The following XPR1 variants were observed in gnomAD, a reference collection of about 807,000 sequenced individuals.
The protein encoded by XPR1 is solute carrier family 53 member 1.
XPR1 carries 28 observed loss-of-function variants against 87.5 expected under a neutral mutation model. The ratio of observed to expected loss-of-function variants is 0.32; its 90% CI spans 0.24 to 0.44. XPR1 has a LOEUF of 0.44. XPR1 is among the 20% of genes least tolerant of loss of function. The pLI is 1.00. For synonymous variants in XPR1, 300 were observed against 306.1 expected (o/e 0.98, Z 0.21); for missense variants, 559 against 862.3 (o/e 0.65, Z 4.41).
chr1:180,693,567 A>AG (rs1557960287), intron 2 of XPR1, among the ~76,000 whole-genome samples: 1 of 152,200 alleles, frequency 6.6e-6, no homozygotes, highest in African/African-American at 2.4e-5. Context: ...AAAATGACAG[A>AG]CATTTATTCT....
intron 7 of XPR1, 73 bp downstream of exon 7, chr1:180,811,561 A>C: frequency 8.3e-7 from 1 of 1,203,486 alleles, no homozygotes. Context: ...CTCTGTAAGG[A>C]ATTATGCATG....
intron 11 of XPR1, among the ~76,000 whole-genome samples, chr1:180,849,805 T>A (rs1299484853): frequency 2.0e-5 from 3 of 152,182 alleles, no homozygotes; most frequent in African/African-American, 7.2e-5. Context: ...TGTGTAAGTT[T>A]TCATAGAGAG....
intron 2 of XPR1, among the ~76,000 whole-genome samples, chr1:180,770,539 G>A (rs1399204756): frequency 6.6e-6 from 1 of 152,128 alleles, no homozygotes; most frequent in Non-Finnish European, 1.5e-5. Flanking sequence ...ATGAAGGGAG[G>A]CTGGGGAGAC....
At chr1:180,703,434 T>TC (rs2101973041) in intron 2 of XPR1, among the ~76,000 whole-genome samples, 1 of 152,216 alleles carries the variant, frequency 6.6e-6, no homozygotes, top group East Asian at 1.9e-4. Context: ...GGTGGGTATT[T>TC]CCCAGTTCCT....
At chr1:180,866,202 A>T (rs566652990) in intron 12 of XPR1, among the ~76,000 whole-genome samples, 2 of 151,648 alleles carry the variant, frequency 1.3e-5, no homozygotes, top group South Asian at 4.2e-4. Context: ...ATGGAGCAAG[A>T]CCCTGTCTTA....
At chr1:180,790,874 G>A (rs1346955078) in intron 3 of XPR1, among the ~76,000 whole-genome samples, 1 of 152,098 alleles carries the variant, frequency 6.6e-6, no homozygotes, top group Non-Finnish European at 1.5e-5. Flanking sequence ...CATGCAAACA[G>A]GTAGATTTTC....
intron 1 of XPR1, among the ~76,000 whole-genome samples, chr1:180,637,525 C>T (rs548807158): frequency 2.6e-5 from 4 of 152,078 alleles, no homozygotes; most frequent in Non-Finnish European, 5.9e-5. Flanking sequence ...ACAAGAAGTT[C>T]GCCAAAAATT....
chr1:180,874,195 C>T (rs1652590273), intron 13 of XPR1: 2 of 348,696 alleles, frequency 5.7e-6, no homozygotes, highest in Middle Eastern at 7.9e-4. Context: ...GTGCCCGGCC[C>T]AGAGGTTAAT....
At chr1:180,670,875 A>C (rs954695526) in intron 1 of XPR1, among the ~76,000 whole-genome samples, 2 of 152,072 alleles carry the variant, frequency 1.3e-5, no homozygotes, top group Non-Finnish European at 2.9e-5. Flanking sequence ...TGAACATAGG[A>C]TTCTTGGTTG....
chr1:180,759,998 A>G (rs1314808101), intron 2 of XPR1, among the ~76,000 whole-genome samples: 1 of 152,228 alleles, frequency 6.6e-6, no homozygotes, highest in Non-Finnish European at 1.5e-5. Flanking sequence ...TATAAACAGA[A>G]CCAAAGACAA....
At chr1:180,738,873 A>T (rs1571784639) in intron 2 of XPR1, among the ~76,000 whole-genome samples, 1 of 152,114 alleles carries the variant, frequency 6.6e-6, no homozygotes. Flanking sequence ...TTCACATAGC[A>T]CAAGTTTTTT....
chr1:180,793,048 T>G (rs1468181852), intron 3 of XPR1, among the ~76,000 whole-genome samples: 1 of 152,078 alleles, frequency 6.6e-6, no homozygotes, highest in African/African-American at 2.4e-5. Flanking sequence ...CTTTTTTGAC[T>G]TCGGTTACAT....
At chr1:180,697,527 A>G (rs2101966066) in intron 2 of XPR1, among the ~76,000 whole-genome samples, 1 of 151,714 alleles carries the variant, frequency 6.6e-6, no homozygotes, top group Non-Finnish European at 1.5e-5. Context: ...TTTCTAGTTC[A>G]TTGAGGTGTA....
chr1:180,731,849 T>C (rs181930311), intron 2 of XPR1, among the ~76,000 whole-genome samples: 1 of 152,312 alleles, frequency 6.6e-6, no homozygotes, highest in African/African-American at 2.4e-5. Flanking sequence ...GGCTGTTGTA[T>C]TGGACAGCAC....
At chr1:180,758,473 C>T (rs532842667) in intron 2 of XPR1, among the ~76,000 whole-genome samples, 1 of 152,094 alleles carries the variant, frequency 6.6e-6, no homozygotes, top group Non-Finnish European at 1.5e-5. Flanking sequence ...CTTGGGAGGC[C>T]GAGGTGGGTG....
intron 1 of XPR1, among the ~76,000 whole-genome samples, chr1:180,661,476 CGTGT>C (rs60527318): frequency 0.071 from 10,068 of 142,292 alleles, 827 homozygotes; most frequent in East Asian, 0.38. Flanking sequence ...TTTAATTTTT[CGTGT>C]GTGTGTGTGT....
At chr1:180,673,624 C>G (rs903848550) in intron 1 of XPR1, among the ~76,000 whole-genome samples, 5 of 152,182 alleles carry the variant, frequency 3.3e-5, no homozygotes, top group African/African-American at 1.2e-4. Flanking sequence ...TCAGCAACGG[C>G]GTTAGATTCT....
intron 2 of XPR1, among the ~76,000 whole-genome samples, chr1:180,746,560 C>T (rs1647263236): frequency 6.6e-6 from 1 of 152,058 alleles, no homozygotes; most frequent in Admixed American, 6.6e-5. Flanking sequence ...TGTAGTTGTG[C>T]TGCAATTAAC....
chr1:180,831,368 T>C (rs12740838), intron 9 of XPR1, among the ~76,000 whole-genome samples: 11 of 2,860 alleles, frequency 3.8e-3, no homozygotes, highest in African/African-American at 0.01. Context: ...TTTTCTTTTT[T>C]TTTTTTTTTT....
Sources: gnomAD v4.1 joint callset for allele counts (sites outside exome capture counted in the v4.1 genomes callset) on GRCh38, gnomAD v4.1.1 for gene constraint, MANE v1.5 for transcripts, NCBI Gene and HGNC (gene_info 2026-07-23, HGNC 2026-07-21) for gene names.